BNC2: variants seen among roughly 807,000 people sequenced by gnomAD.
BNC2 encodes zinc finger protein basonuclin-2.
In BNC2, 20 loss-of-function variants were observed where a neutral mutation model predicts 76.3. The observed-to-expected ratio is 0.26, with a 90% confidence interval of 0.18 to 0.38. The LOEUF is 0.38. Among genes scored for constraint, BNC2 ranks in the 10% least tolerant of loss-of-function variants. The pLI, the probability that BNC2 is intolerant of heterozygous loss-of-function variation, is 1.00. For missense variants in BNC2, 1,382 were observed against 1,399.8 expected (o/e 0.99, Z 0.20); for synonymous variants, 582 against 514.8 (o/e 1.13, Z -1.77).
chr9:16,743,069 C>A (rs1178091515), intron 1 of BNC2, among the ~76,000 whole-genome samples: 1 of 152,172 alleles, frequency 6.6e-6, no homozygotes, highest in Admixed American at 6.5e-5. Flanking sequence ...ATGCTCATTT[C>A]TTTTCTCTTG....
chr9:16,854,948 C>A (rs1311520803), intron 1 of BNC2, among the ~76,000 whole-genome samples: 1 of 151,910 alleles, frequency 6.6e-6, no homozygotes, highest in African/African-American at 2.4e-5. Context: ...GACCCTCAGG[C>A]CCCCATCCCA....
In BNC2 at chr9:16,419,500, T is replaced by C. The variant is rs41268965; in HGVS notation, c.2789A>G (p.Asp930Gly). ...IYGAQHPMGL[D>G]VREDASSPAG... The stretch of plus-strand genomic sequence containing the variant: ...GGGAGAGGAGGCGTCTTCCCTGACA[T>C]CGAGCCCCATGGGGTGCTGGGCACC... Residue 930 changes from aspartate (D) to glycine (G), a missense_variant, in exon 7 of 7, where the codon GAT (aspartate) becomes GGT (glycine). Physicochemically the swap from Asp to Gly is moderately conservative, Grantham distance 94. Around this residue, in one of 3 missense-constraint regions of BNC2, gnomAD observed 798 missense variants for 775.5 expected, o/e 1.03. Transcript: ENST00000380672. 3.3e-3 allele frequency: 5,333 copies of C among 1,614,038 alleles called. 12 individuals carry two copies. Among genetic ancestry groups the C allele is most frequent in the Non-Finnish European group, 4.1e-3 (4,848 of 1,179,994 alleles).
At chr9:16,814,666 C>A (rs1306159861) in intron 1 of BNC2, among the ~76,000 whole-genome samples, 1 of 152,150 alleles carries the variant, frequency 6.6e-6, no homozygotes, top group African/African-American at 2.4e-5. Context: ...TAACAGATAT[C>A]AGCTAGATAC....
chr9:16,677,750 T>C (rs1822695641), intron 3 of BNC2, among the ~76,000 whole-genome samples: 1 of 152,158 alleles, frequency 6.6e-6, no homozygotes, highest in African/African-American at 2.4e-5. Context: ...TGCAAACTTC[T>C]AGCTGGCTTT....
At chr9:16,715,622 C>G (rs1823977058) in intron 3 of BNC2, among the ~76,000 whole-genome samples, 2 of 152,164 alleles carry the variant, frequency 1.3e-5, no homozygotes, top group African/African-American at 4.8e-5. Context: ...TTTGGCTCAT[C>G]ATTATAAAGC....
rs200059094 is a variant in BNC2, at chr9:16,740,850, G to GA, written c.4-2366dup. Among the ~76,000 whole-genome samples the GA allele has an allele frequency of 1.7e-4, 25 of 150,352 alleles. No homozygotes were observed. In the East Asian group the frequency reaches 3.5e-3, roughly 21 times the overall value. ...AATGAAAAGGGTGCCCCTGGAGGGA[G>GA]AAAAAAGAAACCCTTTTTTTCCCTC... On this transcript the variant is annotated intron_variant, in intron 1 of 6. Transcript: ENST00000380672.
chr9:16,575,757 T>A (rs1236706106), intron 4 of BNC2, among the ~76,000 whole-genome samples: 6 of 152,092 alleles, frequency 3.9e-5, no homozygotes, highest in Non-Finnish European at 8.8e-5. Context: ...TTTTGCTCTC[T>A]AAAACGAAGA....
chr9:16,786,385 A>G (rs1826294349), intron 1 of BNC2, among the ~76,000 whole-genome samples: 1 of 152,174 alleles, frequency 6.6e-6, no homozygotes, highest in South Asian at 2.1e-4. Flanking sequence ...GAAGAAGACT[A>G]GAACAGGACT....
intron 3 of BNC2, among the ~76,000 whole-genome samples, chr9:16,632,339 G>A (rs1018979749): frequency 2.0e-5 from 3 of 151,826 alleles, no homozygotes; most frequent in Admixed American, 6.6e-5. Context: ...CCCCACATTC[G>A]GTAATAATTT....
At chr9:16,523,088 T>C (rs753643858) in intron 5 of BNC2, among the ~76,000 whole-genome samples, 1 of 152,080 alleles carries the variant, frequency 6.6e-6, no homozygotes, top group Non-Finnish European at 1.5e-5. Flanking sequence ...AAAACACAGG[T>C]ATCGAGTTTC....
At chr9:16,623,421 A>G (rs1477531661) in intron 3 of BNC2, among the ~76,000 whole-genome samples, 1 of 152,208 alleles carries the variant, frequency 6.6e-6, no homozygotes, top group Non-Finnish European at 1.5e-5. Context: ...TTCTAAAGAA[A>G]CGAAAAGACC....
intron 5 of BNC2, among the ~76,000 whole-genome samples, chr9:16,480,972 G>C (rs983354414): frequency 2.6e-5 from 4 of 152,246 alleles, no homozygotes; most frequent in Non-Finnish European, 4.4e-5. Flanking sequence ...CTGGGCTCCT[G>C]AGTCTGGTAG....
chr9:16,858,063 G>A (rs1016390044), intron 1 of BNC2, among the ~76,000 whole-genome samples: 1 of 152,116 alleles, frequency 6.6e-6, no homozygotes, highest in African/African-American at 2.4e-5. Context: ...AAACTTCACT[G>A]GACCAGTTAT....
chr9:16,512,907 G>A (rs1012531208), intron 5 of BNC2, among the ~76,000 whole-genome samples: 2 of 152,042 alleles, frequency 1.3e-5, no homozygotes, highest in African/African-American at 4.8e-5. Context: ...AGGCTGAGGG[G>A]GGAAGATCAC....
chr9:16,533,839 T>G (rs1818053583), intron 5 of BNC2, among the ~76,000 whole-genome samples: 2 of 152,302 alleles, frequency 1.3e-5, no homozygotes, highest in South Asian at 4.1e-4. Context: ...TTTATAGGTC[T>G]TCCTATAGCA....
At chr9:16,665,747 T>C (rs1038538494) in intron 3 of BNC2, among the ~76,000 whole-genome samples, 1 of 152,212 alleles carries the variant, frequency 6.6e-6, no homozygotes, top group African/African-American at 2.4e-5. Flanking sequence ...TGCACGGATC[T>C]AGGCACTCTG....
At chr9:16,861,671 CCACT>C (rs1368822638) in intron 1 of BNC2, among the ~76,000 whole-genome samples, 2 of 151,946 alleles carry the variant, frequency 1.3e-5, no homozygotes, top group Non-Finnish European at 2.9e-5. Flanking sequence ...TACTTCACAC[CCACT>C]AAGATCTGTA....
At chr9:16,500,676 C>T (rs560194404) in intron 5 of BNC2, among the ~76,000 whole-genome samples, 75 of 152,212 alleles carry the variant, frequency 4.9e-4, no homozygotes, top group Admixed American at 9.8e-4. Flanking sequence ...GTGGATGGAG[C>T]AGGAGGCATG....
chr9:16,586,150 C>G (rs964657244), intron 3 of BNC2, among the ~76,000 whole-genome samples: 1 of 151,968 alleles, frequency 6.6e-6, no homozygotes, highest in East Asian at 2.0e-4. Flanking sequence ...GTACCACATA[C>G]AGCTTGGTCT....
Sources: allele counts gnomAD v4.1 joint callset (sites outside exome capture counted in the v4.1 genomes callset), GRCh38; gene constraint gnomAD v4.1.1; regional missense constraint gnomAD v4.1.1; transcripts MANE v1.5; gene names NCBI Gene and HGNC (gene_info 2026-07-23, HGNC 2026-07-21).